Variants in ELOVL7 observed in about 807,000 individuals in gnomAD.
ELOVL7 encodes ELOVL fatty acid elongase 7.
A neutral mutation model predicts 35.7 loss-of-function variants in ELOVL7; 27 were observed. The observed-to-expected ratio is 0.76, with a 90% CI of 0.56 to 1.04. The LOEUF (loss-of-function observed/expected upper bound fraction) is 1.04, where lower values mean the gene tolerates loss of function less well. ELOVL7 is among the 50% of genes least tolerant of loss of function. The pLI, the probability that ELOVL7 is intolerant of heterozygous loss-of-function variation, is 0.00. For synonymous variants in ELOVL7, 113 were observed against 114.6 expected (o/e 0.99, Z 0.09); for missense variants, 327 against 340.8 (o/e 0.96, Z 0.32).
intron 1 of ELOVL7, among the ~76,000 whole-genome samples, chr5:60,811,456 T>C (rs1426444285): frequency 2.0e-5 from 3 of 152,018 alleles, no homozygotes; most frequent in African/African-American, 7.3e-5. Context: ...GACTAATAAA[T>C]AATGACATAT....
chr5:60,837,507 AACCTTT>A (rs1746897885), intron 1 of ELOVL7, among the ~76,000 whole-genome samples: 2 of 152,294 alleles, frequency 1.3e-5, no homozygotes, highest in East Asian at 1.9e-4. Context: ...AAAGATGACA[AACCTTT>A]CACCCCATAA....
chr5:60,820,099 T>C (rs1023515952), intron 1 of ELOVL7, among the ~76,000 whole-genome samples: 1 of 152,148 alleles, frequency 6.6e-6, no homozygotes, highest in African/African-American at 2.4e-5. Flanking sequence ...ATTCAAGGAC[T>C]GGGGAGAGGT....
At chr5:60,836,969 G>C (rs1746833717) in intron 1 of ELOVL7, among the ~76,000 whole-genome samples, 1 of 151,860 alleles carries the variant, frequency 6.6e-6, no homozygotes, top group African/African-American at 2.4e-5. Flanking sequence ...TTAGTATTCA[G>C]AGTGGGGAGA....
At chr5:60,806,607 T>C (rs549350410) in intron 1 of ELOVL7, among the ~76,000 whole-genome samples, 23 of 151,646 alleles carry the variant, frequency 1.5e-4, no homozygotes, top group Non-Finnish European at 2.8e-4. Flanking sequence ...AAAGAAATGA[T>C]GAAAAAAAAA....
intron 2 of ELOVL7, among the ~76,000 whole-genome samples, chr5:60,796,417 G>A (rs1388480137): frequency 1.3e-5 from 2 of 152,216 alleles, no homozygotes; most frequent in African/African-American, 4.8e-5. Context: ...TTGTGGGGAA[G>A]TGTCCTGATT....
intron 1 of ELOVL7, among the ~76,000 whole-genome samples, chr5:60,816,088 T>C (rs17390867): frequency 0.017 from 2,590 of 152,050 alleles, 46 homozygotes; most frequent in Middle Eastern, 0.051. Context: ...TTTAGAAGAG[T>C]TTTGGGAAGG....
chr5:60,784,054 T>G, intron 3 of ELOVL7: 1 of 908,528 alleles, frequency 1.1e-6, no homozygotes, highest in Non-Finnish European at 1.7e-6. Context: ...TCTAAGAGTG[T>G]CCCAGGGAGA....
At chr5:60,838,804 A>C (rs1746981832) in intron 1 of ELOVL7, among the ~76,000 whole-genome samples, 1 of 152,018 alleles carries the variant, frequency 6.6e-6, no homozygotes, top group East Asian at 1.9e-4. Flanking sequence ...AGGGCAGATC[A>C]CCTGAGGTCA....
intron 1 of ELOVL7, among the ~76,000 whole-genome samples, chr5:60,829,544 A>G (rs1426895114): frequency 6.6e-6 from 1 of 152,218 alleles, no homozygotes; most frequent in Admixed American, 6.5e-5. Flanking sequence ...AAAAATATTA[A>G]TGAACACATG....
At chr5:60,819,014 A>G (rs1222085101) in intron 1 of ELOVL7, among the ~76,000 whole-genome samples, 67 of 97,860 alleles carry the variant, frequency 6.8e-4, no homozygotes, top group African/African-American at 2.5e-3. Flanking sequence ...AAAAGAAGAG[A>G]AGAGGAGAGG....
chr5:60,764,645 T>TAA (rs35867687), intron 6 of ELOVL7, among the ~76,000 whole-genome samples: 3 of 151,518 alleles, frequency 2.0e-5, no homozygotes, highest in Non-Finnish European at 4.4e-5. Flanking sequence ...ATTGTATTGA[T>TAA]AAAAAAAAAT....
At chr5:60,795,846 AAG>A (rs10609504) in intron 2 of ELOVL7, among the ~76,000 whole-genome samples, 88,243 of 151,914 alleles carry the variant, frequency 0.58, 26,388 homozygotes, top group East Asian at 0.89. Context: ...CGGCTTCTAA[AAG>A]AGCTGTAACA....
intron 1 of ELOVL7, among the ~76,000 whole-genome samples, chr5:60,831,519 T>C (rs1482842662): frequency 6.6e-6 from 1 of 152,226 alleles, no homozygotes; most frequent in Non-Finnish European, 1.5e-5. Flanking sequence ...TGCTAGAGTA[T>C]TTATTGTATA....
chr5:60,843,199 TC>T (rs1402574473), intron 1 of ELOVL7, among the ~76,000 whole-genome samples: 1 of 152,148 alleles, frequency 6.6e-6, no homozygotes, highest in South Asian at 2.1e-4. Flanking sequence ...AAACTGTTCT[TC>T]AGTCGACGCG....
At chr5:60,835,008 C>T (rs4699962) in intron 1 of ELOVL7, among the ~76,000 whole-genome samples, 151,120 of 151,712 alleles carry the variant, frequency 1, 75,266 homozygotes, top group East Asian at 1. Context: ...TTGGGCAACA[C>T]AGAAAAACCC....
At chr5:60,818,681 C>T (rs1296556955) in intron 1 of ELOVL7, among the ~76,000 whole-genome samples, 1 of 151,998 alleles carries the variant, frequency 6.6e-6, no homozygotes, top group African/African-American at 2.4e-5. Context: ...AACATCAACA[C>T]AAGACAAACC....
chr5:60,760,976 T>C (rs1291963159), intron 7 of ELOVL7, among the ~76,000 whole-genome samples: 1 of 152,156 alleles, frequency 6.6e-6, no homozygotes, highest in Non-Finnish European at 1.5e-5. Flanking sequence ...AAATAAGCTA[T>C]CAAATAAAAG....
At chr5:60,831,633 C>T (rs1746484614) in intron 1 of ELOVL7, among the ~76,000 whole-genome samples, 1 of 152,160 alleles carries the variant, frequency 6.6e-6, no homozygotes, top group Non-Finnish European at 1.5e-5. Context: ...TATCAAGAAC[C>T]AATATTAATT....
chr5:60,767,906 G>A lies in ELOVL7; in HGVS notation c.256-3C>T, dbSNP rs1033206278. The stretch of plus-strand genomic sequence containing the variant: ...ATACCCCAGCCAGACATCACAAACT[G>A]CAAGAGAGCACATGCATATTAAGAA... On this transcript the variant is annotated splice_region_variant and splice_polypyrimidine_tract_variant and intron_variant, in intron 4 of 8. Transcript: ENST00000508821. 45 of 1,611,798 alleles carry A rather than the reference G, an allele frequency of 2.8e-5. No homozygotes were observed. Among genetic ancestry groups the A allele is most frequent in the Non-Finnish European group, 3.6e-5 (43 of 1,178,204 alleles).
Sources: gnomAD v4.1 joint callset for allele counts (sites outside exome capture counted in the v4.1 genomes callset) on GRCh38, gnomAD v4.1.1 for gene constraint, MANE v1.5 for transcripts, NCBI Gene and HGNC (gene_info 2026-07-23, HGNC 2026-07-21) for gene names.